The following CALM2 variants were observed in gnomAD, a reference collection of about 807,000 sequenced individuals.
CALM2 encodes calmodulin 2.
CALM2 carries 2 observed loss-of-function variants against 19.8 expected under a neutral mutation model. The ratio of observed to expected loss-of-function variants is 0.10; its 90% confidence interval spans 0.04 to 0.32. The LOEUF is 0.32. Among genes scored for constraint, CALM2 ranks in the 10% least tolerant of loss-of-function variants. The probability of loss-of-function intolerance (pLI) is 1.00; values close to 1 mark genes in which losing one functional copy is unlikely to be tolerated. For missense variants in CALM2, 38 were observed against 178.7 expected, an observed-to-expected ratio of 0.21 and a Z score of 4.49; for synonymous variants, 51 against 52.1, an observed-to-expected ratio of 0.98 and a Z score of 0.09.
chr2:47,160,722 A>G lies in CALM2; in HGVS notation c.*54T>C, dbSNP rs943889470. On this transcript the variant is annotated 3_prime_UTR_variant, in exon 6 of 6. Coordinates refer to ENST00000272298, the MANE Select transcript of CALM2 (RefSeq NM_001743.6). ...TTTACAGATAAGTTACAAACAAAGA[A>G]AAGGCAAATAAACAATTTTGTACAA... is the stretch of plus-strand genomic sequence containing the variant. The G allele has an allele frequency of 3.0e-5, 32 of 1,064,354 alleles. No homozygotes were observed. Among genetic ancestry groups the G allele is most frequent in the Non-Finnish European group, 3.9e-5 (29 of 746,018 alleles). The allele number at this position is 1,064,354 out of a possible 1,614,324, so 65.9% of individuals were successfully genotyped here.
intron 1 of CALM2, among the ~76,000 whole-genome samples, chr2:47,175,621 G>A (rs1573234332): frequency 6.6e-6 from 1 of 152,232 alleles, no homozygotes; most frequent in East Asian, 1.9e-4. Flanking sequence ...AGACGCCCCA[G>A]GGCCCAGATG....
chr2:47,176,625 A>G (rs1558703946), upstream of CALM2: 1 of 1,508,452 alleles, frequency 6.6e-7, no homozygotes. Context: ...CCTCCCCTCA[A>G]ACTCTTCTCG....
Position 47,176,503 on chromosome 2 carries a change from A to G in CALM2, c.-60T>C. 1.9e-6 allele frequency: 3 copies of G among 1,608,274 alleles called. No homozygotes were observed. The highest frequency in any genetic ancestry group is 2.5e-6 in the Non-Finnish European group (3 of 1,177,760). The stretch of plus-strand genomic sequence containing the variant: ...CACAACCACTCAGCTCGCTCTCTCC[A>G]CTCGGACTAATTCGCCTCCTCCGCC... On this transcript the variant is annotated 5_prime_UTR_variant, in exon 1 of 6. Coordinates refer to ENST00000272298, the MANE Select transcript of CALM2 (RefSeq NM_001743.6).
chr2:47,164,262 G>GA (rs754081876), intron 2 of CALM2, among the ~76,000 whole-genome samples: 635 of 22,788 alleles, frequency 0.028, 51 homozygotes, highest in East Asian at 0.25. Context: ...AGAAGAAAAA[G>GA]AAAAGAAACC....
chr2:47,161,971 A>T, intron 4 of CALM2, 113 bp from the exon 5 acceptor site: 1 of 852,694 alleles, frequency 1.2e-6, no homozygotes, highest in Non-Finnish European at 1.9e-6. Flanking sequence ...ATACTTTAGA[A>T]ATGCATACAA....
At chr2:47,170,651 T>G in intron 2 of CALM2, 83 bp downstream of exon 2, 1 of 1,045,926 alleles carries the variant, frequency 9.6e-7, no homozygotes, top group East Asian at 2.4e-5. Flanking sequence ...GTCAATTATT[T>G]CATACAAGTC....
At position 47,170,718 on chromosome 2, in the gene CALM2, G is replaced by GCT. The variant is rs1666638395; in HGVS notation, c.34+14_34+15dup. On this transcript the variant is annotated intron_variant, in intron 2 of 5. Transcript: ENST00000272298. ...ATAAGAATCTAATGGGTACAATCTA[G>GCT]CTGAGTATTTCTCACCTGCAATCTG... The GCT allele has an allele frequency of 6.2e-7, 1 of 1,601,536 alleles. No homozygotes were observed. The highest frequency in any genetic ancestry group is 8.6e-7 in the Non-Finnish European group (1 of 1,168,558).
chr2:47,174,443 G>A (rs1237208406), intron 1 of CALM2, among the ~76,000 whole-genome samples: 1 of 151,962 alleles, frequency 6.6e-6, no homozygotes, highest in Non-Finnish European at 1.5e-5. Context: ...GATTCCTAAT[G>A]TAAAATCTCA....
At chr2:47,168,386 C>A (rs1490393127) in intron 2 of CALM2, among the ~76,000 whole-genome samples, 1 of 152,066 alleles carries the variant, frequency 6.6e-6, no homozygotes, top group Admixed American at 6.5e-5. Flanking sequence ...AACTTAAAGA[C>A]AATAAAGAGA....
upstream of CALM2, chr2:47,176,930 G>T (rs1478556709): frequency 1.0e-6 from 1 of 985,452 alleles, no homozygotes; most frequent in Non-Finnish European, 1.2e-6. Flanking sequence ...GCGCTGTCCT[G>T]GCAACTGCGC....
At chr2:47,164,013 G>C (rs1016603851) in intron 2 of CALM2, 2 of 151,948 alleles carry the variant, frequency 1.3e-5, no homozygotes, top group East Asian at 2.0e-4. Context: ...TGAGGCGGGT[G>C]GATCATGAGG....
Position 47,162,171 on chromosome 2 carries a change from CAAAAAAAAAA to C in CALM2, c.285+105_285+114del, listed in dbSNP as rs56839340. The stretch of plus-strand genomic sequence containing the variant: ...TAATTAAAATATGTTGGTAAATCAT[CAAAAAAAAAA>C]AAAAAAAAAAAAAAAAAAACAACCA... On this transcript the variant is annotated intron_variant, in intron 4 of 5. Transcript: ENST00000272298. 78 of 130,106 alleles carry C rather than the reference CAAAAAAAAAA, an allele frequency of 6.0e-4. No homozygotes were observed. In the East Asian group the frequency reaches 6.7e-3, roughly 11 times the overall value. The allele number at this position is 130,106 out of a possible 1,614,324, so 8.1% of individuals were successfully genotyped here.
chr2:47,175,625 C>T (rs1454336988), intron 1 of CALM2, among the ~76,000 whole-genome samples: 2 of 152,020 alleles, frequency 1.3e-5, no homozygotes, highest in South Asian at 2.1e-4. Flanking sequence ...GCCCCAGGGC[C>T]CAGATGGAGA....
chr2:47,176,422 A>C lies in CALM2; in HGVS notation c.3+19T>G. ...TTCCCCCCACAGGCCCAGCGCCGGCAGCTCAGCGATGCACTCACCATGCTG... is the reference window on the plus strand; with the variant it reads ...TTCCCCCCACAGGCCCAGCGCCGGCCGCTCAGCGATGCACTCACCATGCTG... On this transcript the variant is annotated intron_variant, in intron 1 of 5. Transcript: ENST00000272298. The C allele has an allele frequency of 5.0e-6, 8 of 1,612,898 alleles. No homozygotes were observed. The highest frequency in any genetic ancestry group is 5.9e-6 in the Non-Finnish European group (7 of 1,179,870).
At chr2:47,162,935 A>G (rs974401967) in intron 2 of CALM2, 3 of 279,360 alleles carry the variant, frequency 1.1e-5, no homozygotes, top group African/African-American at 6.7e-5. Flanking sequence ...TATTTCAAAT[A>G]TATCTTTGAC....
chr2:47,170,839 C>T, intron 1 of CALM2, 75 bp from the exon 2 acceptor site: 2 of 1,187,234 alleles, frequency 1.7e-6, no homozygotes, highest in Non-Finnish European at 2.5e-6. Context: ...AAGTTTAAAA[C>T]CTTTCAAGGG....
intron 4 of CALM2, 78 bp from the exon 5 acceptor site, chr2:47,161,936 C>T: frequency 8.7e-7 from 1 of 1,147,546 alleles, no homozygotes; most frequent in Non-Finnish European, 1.3e-6. Context: ...AAGTTTACTA[C>T]TAAATTTCAC....
At chr2:47,162,906 TTA>T (rs1260917207) in intron 2 of CALM2, 2 of 355,548 alleles carry the variant, frequency 5.6e-6, no homozygotes, top group Non-Finnish European at 1.0e-5. Context: ...TAACCAATCT[TTA>T]TGATACCTTA....
rs1131691669 is a variant in CALM2, at chr2:47,162,618, T to A, written c.79A>T (p.Thr27Ser). 4 of 1,610,758 alleles carry A rather than the reference T, an allele frequency of 2.5e-6. No homozygotes were observed. Among genetic ancestry groups the A allele is most frequent in the African/African-American group, 1.3e-5 (1 of 74,838 alleles). Reference protein sequence around the residue: ...FSLFDKDGDGTITTKELGTVM... With the variant: ...FSLFDKDGDGSITTKELGTVM... ...GTTCCCAATTCCTTTGTTGTTATAG[T>A]TCCATCACCATCTTTGTCAAATAGT... The change falls in exon 3 of 6, where the codon ACT (threonine) becomes TCT (serine). Residue 27 changes from threonine to serine, a missense_variant. Transcript: ENST00000272298.
Sources: allele counts gnomAD v4.1 joint callset (sites outside exome capture counted in the v4.1 genomes callset), GRCh38; gene constraint gnomAD v4.1.1; transcripts MANE v1.5; gene names NCBI Gene and HGNC (gene_info 2026-07-23, HGNC 2026-07-21).